The following PIK3C2G variants were observed in gnomAD, a reference collection of about 807,000 sequenced individuals.
PIK3C2G encodes the protein phosphatidylinositol-4-phosphate 3-kinase catalytic subunit type 2 gamma, also known as phosphatidylinositol 3-kinase C2 domain-containing subunit gamma.
In PIK3C2G, 168 loss-of-function variants were observed where a neutral mutation model predicts 181.1. The ratio of observed to expected loss-of-function variants is 0.93; its 90% CI spans 0.82 to 1.05. PIK3C2G has a LOEUF of 1.05. PIK3C2G is among the 50% of genes least tolerant of loss of function. The pLI, the probability that PIK3C2G is intolerant of heterozygous loss-of-function variation, is 0.00. For synonymous variants in PIK3C2G, 573 were observed against 592.2 expected (o/e 0.97, Z 0.47); for missense variants, 1,869 against 1,732.8 (o/e 1.08, Z -1.40).
upstream of PIK3C2G, among the ~76,000 whole-genome samples, chr12:18,247,184 T>A (rs1948049100): frequency 6.6e-6 from 1 of 152,158 alleles, no homozygotes; most frequent in South Asian, 2.1e-4. Flanking sequence ...TATTAATATC[T>A]CTCAGAAATA....
At chr12:18,687,969 T>C in the PIK3C2G span, 3 of 1,352,008 alleles carry the variant, frequency 2.2e-6, no homozygotes, top group Non-Finnish European at 1.0e-6. Flanking sequence ...ATTTTGGACA[T>C]AATGGAAAAC....
At chr12:18,658,322 A>G in the PIK3C2G span, among the ~76,000 whole-genome samples, 1 of 152,238 alleles carries the variant, frequency 6.6e-6, no homozygotes, top group Non-Finnish European at 1.5e-5. Flanking sequence ...CACTTGATGA[A>G]TTACATCCAA....
chr12:18,477,502 A>G (rs1270997187), intron 18 of PIK3C2G, among the ~76,000 whole-genome samples: 1 of 152,188 alleles, frequency 6.6e-6, no homozygotes, highest in Non-Finnish European at 1.5e-5. Flanking sequence ...GGATAGGTAA[A>G]TTACATAACA....
chr12:18,570,078 T>A (rs1945845037), intron 29 of PIK3C2G, among the ~76,000 whole-genome samples: 1 of 152,204 alleles, frequency 6.6e-6, no homozygotes, highest in African/African-American at 2.4e-5. Flanking sequence ...ATTTTCTTAG[T>A]AAGAACATAC....
chr12:18,699,657 C>A, the PIK3C2G span: 1 of 923,462 alleles, frequency 1.1e-6, no homozygotes, highest in Non-Finnish European at 1.7e-6. Context: ...GGTATGTAAC[C>A]CCATTCTAAA....
At chr12:18,498,612 A>G (rs1360489229) in intron 22 of PIK3C2G, among the ~76,000 whole-genome samples, 1 of 151,678 alleles carries the variant, frequency 6.6e-6, no homozygotes, top group African/African-American at 2.4e-5. Flanking sequence ...TAAACCTGTC[A>G]TCACAAGAGA....
chr12:18,391,269 T>G lies in PIK3C2G; in HGVS notation c.2126+17T>G, dbSNP rs1943516771. ...TCCCCTACTGTAAGTGACCTAGGTC[T>G]TGTGAATGAATTTTTGCCTGCTGTT... is the stretch of plus-strand genomic sequence containing the variant. On this transcript the variant is annotated intron_variant, in intron 15 of 32. Transcript: ENST00000538779. 1.3e-6 allele frequency: 2 copies of G among 1,540,912 alleles called. No individual in the cohort carries two copies. The highest frequency in any genetic ancestry group is 1.7e-6 in the Non-Finnish European group (2 of 1,146,646).
intron 16 of PIK3C2G, among the ~76,000 whole-genome samples, chr12:18,409,578 GT>G (rs1364930752): frequency 1.3e-5 from 2 of 152,028 alleles, no homozygotes; most frequent in Non-Finnish European, 2.9e-5. Flanking sequence ...TAAGCTTCCT[GT>G]TAGGAAGCAA....
At chr12:18,530,270 C>T (rs1943478299) in intron 24 of PIK3C2G, among the ~76,000 whole-genome samples, 1 of 152,172 alleles carries the variant, frequency 6.6e-6, no homozygotes. Flanking sequence ...ACCTGTTTTT[C>T]CCTTCTGAAG....
At chr12:18,349,917 C>A (rs1021414419) in intron 11 of PIK3C2G, among the ~76,000 whole-genome samples, 1 of 152,116 alleles carries the variant, frequency 6.6e-6, no homozygotes, top group African/African-American at 2.4e-5. Context: ...TGAACAAAAT[C>A]CCTTGAATAG....
At chr12:18,623,390 G>A (rs1295596964) in intron 31 of PIK3C2G, among the ~76,000 whole-genome samples, 1 of 151,606 alleles carries the variant, frequency 6.6e-6, no homozygotes, top group East Asian at 1.9e-4. Flanking sequence ...TGTTCCATTG[G>A]GTTGATATAT....
intron 1 of PIK3C2G, among the ~76,000 whole-genome samples, chr12:18,249,099 C>T (rs537254811): frequency 3.9e-5 from 6 of 152,262 alleles, no homozygotes; most frequent in African/African-American, 1.2e-4. Flanking sequence ...ATGGCATTTG[C>T]TCTTTTTGGA....
At chr12:18,706,540 G>T in the PIK3C2G span, among the ~76,000 whole-genome samples, 7 of 152,184 alleles carry the variant, frequency 4.6e-5, no homozygotes, top group Non-Finnish European at 8.8e-5. Flanking sequence ...TTTATTAAGT[G>T]AAGGTGGCTC....
intron 29 of PIK3C2G, among the ~76,000 whole-genome samples, chr12:18,588,487 G>A (rs1240927559): frequency 3.9e-5 from 6 of 151,978 alleles, no homozygotes; most frequent in Admixed American, 3.9e-4. Flanking sequence ...AGAAGCATAG[G>A]AAAAATTACT....
the PIK3C2G span, among the ~76,000 whole-genome samples, chr12:18,668,190 C>A: frequency 6.6e-6 from 1 of 152,186 alleles, no homozygotes; most frequent in African/African-American, 2.4e-5. Flanking sequence ...AAAGTCCAGT[C>A]ATACTTTCAA....
intron 12 of PIK3C2G, among the ~76,000 whole-genome samples, chr12:18,368,830 A>G (rs1444396339): frequency 1.3e-5 from 2 of 152,176 alleles, no homozygotes; most frequent in Admixed American, 6.5e-5. Context: ...ATTGAATTAA[A>G]TTAACTTCTC....
At chr12:18,495,247 ACT>A (rs1233557986) in intron 20 of PIK3C2G, among the ~76,000 whole-genome samples, 1 of 152,004 alleles carries the variant, frequency 6.6e-6, no homozygotes, top group Admixed American at 6.6e-5. Context: ...GCCATCATGA[ACT>A]CTCTAATAGC....
At chr12:18,385,353 G>T (rs1045415606) in intron 14 of PIK3C2G, among the ~76,000 whole-genome samples, 1 of 152,010 alleles carries the variant, frequency 6.6e-6, no homozygotes, top group Non-Finnish European at 1.5e-5. Context: ...TTGATGTGCC[G>T]ACCGGAAGCA....
At chr12:18,394,561 T>A (rs916437817) in intron 15 of PIK3C2G, among the ~76,000 whole-genome samples, 1 of 152,080 alleles carries the variant, frequency 6.6e-6, no homozygotes, top group Admixed American at 6.6e-5. Context: ...AAGATATTTA[T>A]TGATTTTTTA....
Sources: gnomAD v4.1 joint callset for allele counts (sites outside exome capture counted in the v4.1 genomes callset) on GRCh38, gnomAD v4.1.1 for gene constraint, MANE v1.5 for transcripts, NCBI Gene and HGNC (gene_info 2026-07-23, HGNC 2026-07-21) for gene names.